The following COL12A1 variants were observed in gnomAD, a reference collection of about 807,000 sequenced individuals.
The protein encoded by COL12A1 is collagen type XII alpha 1 chain.
In COL12A1, 114 loss-of-function variants were observed where a neutral mutation model predicts 349.7. The observed-to-expected ratio is 0.33, with a 90% CI of 0.28 to 0.38. The LOEUF (loss-of-function observed/expected upper bound fraction) is 0.38. Ranked by LOEUF, COL12A1 falls within the 10% of genes least tolerant of loss-of-function variation. The pLI is 1.00. For missense variants in COL12A1, 3,284 were observed against 3,756.9 expected, an observed-to-expected ratio of 0.87 and a Z score of 3.29; for synonymous variants, 1,369 against 1,329.0, an observed-to-expected ratio of 1.03 and a Z score of -0.66.
chr6:75,161,875 C>A (rs1207729263), intron 14 of COL12A1, among the ~76,000 whole-genome samples: 1 of 151,868 alleles, frequency 6.6e-6, no homozygotes, highest in African/African-American at 2.4e-5. Context: ...GACAAACAGC[C>A]AAATCATGAG....
rs73749975 is a variant in COL12A1 at position 75,151,714 on chromosome 6, G to A, written c.4000+153C>T. 0.053 allele frequency among the ~76,000 whole-genome samples: 7,994 copies of A among 152,112 alleles called. 529 individuals are homozygous for A. The highest frequency in any genetic ancestry group is 0.15 in the African/African-American group (6,397 of 41,466). On this transcript the variant is annotated intron_variant, in intron 20 of 65. Transcript: ENST00000322507. ...TTGTCCCCAAAAAAAGAAGAAAAAAGTGAATTAACTTCCTGGAACATTATT... is the reference window on the plus strand; with the variant it reads ...TTGTCCCCAAAAAAAGAAGAAAAAAATGAATTAACTTCCTGGAACATTATT...
intron 58 of COL12A1, among the ~76,000 whole-genome samples, chr6:75,099,680 C>T (rs1386000046): frequency 6.6e-6 from 1 of 152,190 alleles, no homozygotes; most frequent in East Asian, 1.9e-4. Context: ...CACTTCTAAC[C>T]AAGTGAGGGG....
intron 37 of COL12A1, among the ~76,000 whole-genome samples, chr6:75,129,025 A>G (rs1459297084): frequency 6.6e-6 from 1 of 152,252 alleles, no homozygotes; most frequent in African/African-American, 2.4e-5. Context: ...TGCTTCTACA[A>G]ACAACATGGA....
chr6:75,141,979 C>A (rs756524128), intron 27 of COL12A1, 53 bp downstream of exon 27: 25 of 1,604,344 alleles, frequency 1.6e-5, no homozygotes, highest in Non-Finnish European at 2.0e-5. Context: ...TTGTGTTACA[C>A]ATGCATGTAA....
chr6:75,156,500 T>C lies in COL12A1; in HGVS notation c.3007A>G (p.Lys1003Glu), dbSNP rs1582147298. 6.2e-7 allele frequency: 1 copy of C among 1,613,648 alleles called. No homozygotes were observed. Among genetic ancestry groups the C allele is most frequent in the East Asian group, 2.2e-5 (1 of 44,854 alleles). The part of the protein sequence containing the change: ...TELSQDSKTL[K>E]VDEETENTMR... ...GTGTTTTCTGTTTCTTCATCTACTTTCAGGGTTTTGGAATCTTGAGATACT... is the reference window on the plus strand; with the variant it reads ...GTGTTTTCTGTTTCTTCATCTACTTCCAGGGTTTTGGAATCTTGAGATACT... Residue 1003 changes from lysine (K) to glutamate (E), a missense_variant, in exon 15 of 66, where the codon AAA becomes GAA. Around this residue, in one of 2 missense-constraint regions of COL12A1, gnomAD observed 2,601 missense variants for 2,824.8 expected, o/e 0.92. Transcript: ENST00000322507.
In COL12A1 at chr6:75,189,756, C is replaced by T; in HGVS notation, c.454G>A (p.Gly152Arg). The change falls in exon 6 of 66, where the codon GGA (glycine) becomes AGA (arginine). Residue 152 changes from glycine to arginine, a missense_variant. Transcript: ENST00000322507. ...VFLVDGSWSVGRNNFKYILDF... is the reference protein window; with the variant it reads ...VFLVDGSWSVRRNNFKYILDF... Reference sequence around the variant, plus strand: ...AAAATGTACTTGAAATTATTTCTTCCCACACTCCAAGAGCCATCCACGAGG... The same window carrying T: ...AAAATGTACTTGAAATTATTTCTTCTCACACTCCAAGAGCCATCCACGAGG... 6.2e-7 allele frequency: 1 copy of T among 1,613,248 alleles called. No individual in the cohort carries two copies. Among genetic ancestry groups the T allele is most frequent in the Non-Finnish European group, 8.5e-7 (1 of 1,179,380 alleles).
At chr6:75,128,146 T>C (rs1419810655) in intron 38 of COL12A1, 150 bp downstream of exon 38, 2 of 650,936 alleles carry the variant, frequency 3.1e-6, no homozygotes, top group South Asian at 5.4e-5. Flanking sequence ...TTTGACAAAA[T>C]TTAATGTCTA....
intron 25 of COL12A1, among the ~76,000 whole-genome samples, chr6:75,143,720 A>C (rs1463510788): frequency 6.6e-6 from 1 of 152,192 alleles, no homozygotes; most frequent in Non-Finnish European, 1.5e-5. Flanking sequence ...TGTACAGCTC[A>C]TGTTTCTTTA....
chr6:75,088,482 AGGAAGGAAGGAAGGAAGGAAAAG>A (rs1454124157), intron 64 of COL12A1, among the ~76,000 whole-genome samples: 5 of 150,708 alleles, frequency 3.3e-5, no homozygotes, highest in South Asian at 2.1e-4. Flanking sequence ...ATAGGAAGGG[AGGAAGGAAGGAAGGAAGGAAAAG>A]GGAAGGAAGG....
rs765065980 is a variant in COL12A1, at chr6:75,184,069, G to A, written c.1073C>T (p.Pro358Leu). The A allele has an allele frequency of 1.2e-5, 20 of 1,614,050 alleles. No individual in the cohort carries two copies. The South Asian group carries it at 2.2e-4, about 18-fold the overall frequency. ...KYVKLNWNPS[P>L]SPVTGYKVIL... is the part of the protein sequence containing the mutation. ...GACTTTGTAGCCAGTCACTGGACTA[G>A]GAGATGGATTCCAATTTAGCTTAAC... Residue 358 changes from proline to leucine, a missense_variant, in exon 9 of 66, where the codon CCT becomes CTT. This residue lies in a region of COL12A1 where 2,601 missense variants were observed against 2,824.8 expected (regional missense o/e 0.92). Coordinates refer to ENST00000322507, the MANE Select transcript of COL12A1 (RefSeq NM_004370.6).
intron 13 of COL12A1, among the ~76,000 whole-genome samples, chr6:75,169,793 A>C (rs1768528564): frequency 6.6e-6 from 1 of 152,140 alleles, no homozygotes. Context: ...ATTTTCCCTT[A>C]CACTTTATTC....
intron 12 of COL12A1, among the ~76,000 whole-genome samples, chr6:75,176,129 G>A (rs183319501): frequency 3.0e-4 from 46 of 152,336 alleles, no homozygotes; most frequent in African/African-American, 1.1e-3. Flanking sequence ...GAGGAGGAAG[G>A]AAGCAGGTAA....
intron 27 of COL12A1, 74 bp from the exon 28 acceptor site, chr6:75,139,035 G>T: frequency 1.3e-6 from 2 of 1,546,700 alleles, no homozygotes; most frequent in Admixed American, 1.8e-5. Context: ...AATAAAAACT[G>T]CCTTGTTTTA....
In COL12A1 at chr6:75,146,221, T is replaced by A; in HGVS notation, c.4441A>T (p.Asn1481Tyr). 3 of 1,609,820 alleles carry A rather than the reference T, an allele frequency of 1.9e-6. No homozygotes were observed. The South Asian group carries it at 3.3e-5, about 18-fold the overall frequency. ...GTGGTAGGGCCAACATCATAAATAT[T>A]CAGGCTGACTACAGGCACTGGCACT... is the stretch of plus-strand genomic sequence containing the variant. ...KTLPVPVVSL[N>Y]IYDVGPTTMH... Residue 1481 changes from asparagine to tyrosine, a missense_variant, in exon 24 of 66, where the codon AAT becomes TAT. Coordinates refer to ENST00000322507, the MANE Select transcript of COL12A1 (RefSeq NM_004370.6).
intron 1 of COL12A1, among the ~76,000 whole-genome samples, chr6:75,204,450 C>T (rs552817234): frequency 9.9e-5 from 15 of 152,268 alleles, no homozygotes; most frequent in African/African-American, 3.6e-4. Flanking sequence ...AAGAATGAAT[C>T]ATCTCGCGCC....
intron 3 of COL12A1, among the ~76,000 whole-genome samples, chr6:75,194,149 C>T (rs998866341): frequency 6.6e-6 from 1 of 152,146 alleles, no homozygotes; most frequent in East Asian, 1.9e-4. Context: ...TAAGGAATCG[C>T]CACACTGTCT....
rs1767529569 is a variant in COL12A1 at position 75,152,215 on chromosome 6, A to C, written c.3751T>G (p.Trp1251Gly). ...AQYSGDPRTE[W>G]QLNAHRDKKS... ...TTGTCTCTGTGTGCATTTAACTGCC[A>C]CTCTGTTCTGGGATCCCCACTATAC... is the stretch of plus-strand genomic sequence containing the variant. Residue 1251 changes from tryptophan (W) to glycine (G), a missense_variant, in exon 19 of 66, where the codon TGG becomes GGG. Transcript: ENST00000322507. 1 of 1,613,630 alleles carries C rather than the reference A, an allele frequency of 6.2e-7. No homozygotes were observed.
chr6:75,118,360 A>G (rs947780601), intron 46 of COL12A1, among the ~76,000 whole-genome samples: 1 of 152,236 alleles, frequency 6.6e-6, no homozygotes, highest in East Asian at 1.9e-4. Flanking sequence ...TGTACAGATG[A>G]CAAGTTCCAT....
intron 10 of COL12A1, 104 bp downstream of exon 10, chr6:75,182,946 T>C (rs892254914): frequency 1.5e-5 from 21 of 1,384,516 alleles, no homozygotes; most frequent in Non-Finnish European, 1.8e-5. Flanking sequence ...AAAGTTACTT[T>C]TTCGTGTCTA....
Sources: allele counts gnomAD v4.1 joint callset (sites outside exome capture counted in the v4.1 genomes callset), GRCh38; gene constraint gnomAD v4.1.1; regional missense constraint gnomAD v4.1.1; transcripts MANE v1.5; gene names NCBI Gene and HGNC (gene_info 2026-07-23, HGNC 2026-07-21).